The following KCNQ4 variants were observed in gnomAD, a reference collection of about 807,000 sequenced individuals.
KCNQ4 encodes the protein potassium voltage-gated channel subfamily Q member 4, also known as potassium voltage-gated channel subfamily KQT member 4.
KCNQ4 carries 31 observed loss-of-function variants against 72.6 expected under a neutral mutation model. The observed-to-expected ratio is 0.43, with a 90% CI of 0.32 to 0.58. KCNQ4 has a LOEUF of 0.58. Among genes scored for constraint, KCNQ4 ranks in the 20% least tolerant of loss-of-function variants. The pLI is 0.08. For synonymous variants in KCNQ4, 405 were observed against 403.7 expected (o/e 1.00, Z -0.04); for missense variants, 869 against 962.6 (o/e 0.90, Z 1.29).
Position 40,804,231 on chromosome 1 carries a change from C to T in KCNQ4, c.315-13034C>T, listed in dbSNP as rs527347477. 7.9e-5 allele frequency among the ~76,000 whole-genome samples: 12 copies of T among 152,360 alleles called. No individual in the cohort carries two copies. In the South Asian group the frequency reaches 2.5e-3, roughly 32 times the overall value. ...CAGGAAGGGCAGGGGCAGGTCCCAT[C>T]TTGGCCCCAGGATGAGGGAATTTTT... On this transcript the variant is annotated intron_variant, in intron 1 of 13. Transcript: ENST00000347132.
chr1:40,821,090 C>T lies in KCNQ4; in HGVS notation c.1041+830C>T, dbSNP rs192827157. Among the ~76,000 whole-genome samples, 64 of 152,320 alleles carry T rather than the reference C, an allele frequency of 4.2e-4. 1 individual carries two copies. The Middle Eastern group carries it at 0.02, about 49-fold the overall frequency. On this transcript the variant is annotated intron_variant, in intron 7 of 13. Coordinates refer to ENST00000347132, the MANE Select transcript of KCNQ4 (RefSeq NM_004700.4). ...CCCTGTCGCTGTTATCTCCAGCCAC[C>T]AGCTCAGCCTTTTCTTCTTAGCGTC...
intron 11 of KCNQ4, among the ~76,000 whole-genome samples, chr1:40,833,993 AG>A (rs556253413): frequency 7.0e-4 from 107 of 152,182 alleles, no homozygotes; most frequent in Admixed American, 1.3e-3. Context: ...TGGGTGACAG[AG>A]TGACACCTTG....
At position 40,840,271 on chromosome 1, in the gene KCNQ4, A is replaced by T. The variant is rs999175497; in HGVS notation, c.*1748A>T. ...TCCCCAGAGAGCCACCCCTCCACCC[A>T]CTCAGAGACAGCTGTGGAGAGGGCC... On this transcript the variant is annotated 3_prime_UTR_variant, in exon 14 of 14. Coordinates refer to ENST00000347132, the MANE Select transcript of KCNQ4 (RefSeq NM_004700.4). 3 of 152,128 alleles carry T rather than the reference A, an allele frequency of 2.0e-5. No homozygotes were observed. Among genetic ancestry groups the T allele is most frequent in the Non-Finnish European group, 4.4e-5 (3 of 68,086 alleles). 9.4% of individuals were successfully genotyped at this position (152,128 alleles called of 1,614,324 possible).
chr1:40,807,368 C>T (rs1473288834), intron 1 of KCNQ4, among the ~76,000 whole-genome samples: 1 of 152,174 alleles, frequency 6.6e-6, no homozygotes, highest in Non-Finnish European at 1.5e-5. Flanking sequence ...CATCAGGGCC[C>T]CATTGCAATT....
chr1:40,789,990 C>G (rs1184181108), intron 1 of KCNQ4, among the ~76,000 whole-genome samples: 2 of 152,316 alleles, frequency 1.3e-5, no homozygotes, highest in South Asian at 2.1e-4. Flanking sequence ...ATGGAGCCCC[C>G]CAGCAGGGAA....
chr1:40,798,445 G>A (rs982710599), intron 1 of KCNQ4, among the ~76,000 whole-genome samples: 1 of 152,200 alleles, frequency 6.6e-6, no homozygotes, highest in African/African-American at 2.4e-5. Context: ...TAGGCATGCT[G>A]GACCCATTGT....
intron 9 of KCNQ4, among the ~76,000 whole-genome samples, chr1:40,825,402 G>T (rs1422702491): frequency 6.6e-6 from 1 of 152,228 alleles, no homozygotes; most frequent in Non-Finnish European, 1.5e-5. Flanking sequence ...CGGAAAATCG[G>T]CAGTGTTTAG....
At chr1:40,795,394 T>C (rs1388116932) in intron 1 of KCNQ4, among the ~76,000 whole-genome samples, 1 of 151,898 alleles carries the variant, frequency 6.6e-6, no homozygotes, top group African/African-American at 2.4e-5. Context: ...TTCATGTAGC[T>C]GAGACCGCAG....
intron 8 of KCNQ4, among the ~76,000 whole-genome samples, chr1:40,823,110 C>T (rs924480542): frequency 7.2e-5 from 11 of 152,234 alleles, no homozygotes; most frequent in African/African-American, 2.7e-4. Flanking sequence ...AGCGCTTCTG[C>T]GGGTGCCTTT....
chr1:40,827,252 C>T (rs914724690), intron 9 of KCNQ4, among the ~76,000 whole-genome samples: 14 of 152,114 alleles, frequency 9.2e-5, no homozygotes, highest in African/African-American at 1.9e-4. Flanking sequence ...ACATCGTCCT[C>T]GGAGAGTTGC....
chr1:40,818,873 C>A, intron 4 of KCNQ4, 193 bp downstream of exon 4: 1 of 617,640 alleles, frequency 1.6e-6, no homozygotes, highest in Admixed American at 2.8e-5. Flanking sequence ...TAGGTAGGGG[C>A]GGGCCTAGGA....
rs752131356 is a variant in KCNQ4 at position 40,819,358 on chromosome 1, C to A, written c.720C>A (p.Thr240=). The A allele has an allele frequency of 2.5e-6, 4 of 1,613,832 alleles. No homozygotes were observed. The South Asian group carries it at 4.4e-5, about 18-fold the overall frequency. The change falls in exon 5 of 14, where the codon ACC becomes ACA. Residue 240 remains threonine, a synonymous_variant. Transcript: ENST00000347132. ...VVYAHSKELI[T]AWYIGFLVLI... ...CGCCTGCCCCGCAGGAGCTGATCAC[C>A]GCCTGGTACATCGGGTTCCTGGTGC...
In KCNQ4 at chr1:40,831,106, C is replaced by A. The variant is rs145573794; in HGVS notation, c.1315C>A (p.Arg439Ser). Reference protein sequence around the residue: ...GESSRMGIKDRIRMGSSQRRT... With the variant: ...GESSRMGIKDSIRMGSSQRRT... ...CAGCAGCCGGATGGGCATCAAAGACCGCATCCGCATGGGCAGCTCCCAGCG... is the reference window on the plus strand; with the variant it reads ...CAGCAGCCGGATGGGCATCAAAGACAGCATCCGCATGGGCAGCTCCCAGCG... Residue 439 changes from arginine to serine, a missense_variant, in exon 10 of 14, where the codon CGC (arginine) becomes AGC (serine). Coordinates refer to ENST00000347132, the MANE Select transcript of KCNQ4 (RefSeq NM_004700.4). 2 of 1,601,934 alleles carry A rather than the reference C, an allele frequency of 1.2e-6. No individual in the cohort carries two copies. The highest frequency in any genetic ancestry group is 2.3e-5 in the East Asian group (1 of 44,368).
At position 40,794,148 on chromosome 1, in the gene KCNQ4, T is replaced by G. The variant is rs1647343768; in HGVS notation, c.314+9741T>G. On this transcript the variant is annotated intron_variant, in intron 1 of 13. Coordinates refer to ENST00000347132, the MANE Select transcript of KCNQ4 (RefSeq NM_004700.4). The surrounding 1 kb of genome is among the most constrained non-coding windows in gnomAD (Gnocchi z 4.2). Reference sequence around the variant, plus strand: ...TTCATGATTTTTATCCCGAGTGAGCTCCAGGTGAAGGGAACAGCAGAGCAA... The same window carrying G: ...TTCATGATTTTTATCCCGAGTGAGCGCCAGGTGAAGGGAACAGCAGAGCAA... 6.6e-6 allele frequency among the ~76,000 whole-genome samples: 1 copy of G among 152,126 alleles called. No homozygotes were observed. Among genetic ancestry groups the G allele is most frequent in the Admixed American group, 6.5e-5 (1 of 15,276 alleles).
chr1:40,834,825 G>C (rs1648762379), intron 11 of KCNQ4, 142 bp from the exon 12 acceptor site: 3 of 1,084,830 alleles, frequency 2.8e-6, no homozygotes, highest in Non-Finnish European at 4.1e-6. Flanking sequence ...GGGAGGCTGG[G>C]AGACGCAGCA....
intron 10 of KCNQ4, 64 bp from the exon 11 acceptor site, chr1:40,832,950 G>A: frequency 2.6e-6 from 3 of 1,174,792 alleles, no homozygotes; most frequent in South Asian, 1.2e-5. Flanking sequence ...GGCATACAAG[G>A]GTCGGATGGG....
chr1:40,838,124 G>A (rs1182148498), intron 13 of KCNQ4, among the ~76,000 whole-genome samples, 187 bp from the exon 14 acceptor site: 1 of 152,036 alleles, frequency 6.6e-6, no homozygotes, highest in African/African-American at 2.4e-5. Context: ...CACCCCCCGG[G>A]TTATGCACCA....
In KCNQ4 at chr1:40,833,031, G is replaced by A. The variant is rs778538229; in HGVS notation, c.1531G>A (p.Val511Ile). ...TSAEDAPSEE[V>I]AEEKSYQCEL... is the part of the protein sequence containing the mutation. ...CTTTTCAGATGCCCCCTCAGAGGAA[G>A]TAGCAGAGGAGAAGAGCTACCAGTG... Residue 511 changes from valine to isoleucine, a missense_variant, in exon 11 of 14, where the codon GTA (valine) becomes ATA (isoleucine). Val to Ile is a conservative substitution (Grantham distance 29, BLOSUM62 3). This residue lies in a region of KCNQ4 where 480 missense variants were observed against 501.9 expected (regional missense o/e 0.96). Transcript: ENST00000347132. 56 of 1,613,342 alleles carry A rather than the reference G, an allele frequency of 3.5e-5. No individual in the cohort carries two copies. The highest frequency in any genetic ancestry group is 4.6e-5 in the Non-Finnish European group (54 of 1,179,788).
At chr1:40,802,489 G>T (rs1268437744) in intron 1 of KCNQ4, among the ~76,000 whole-genome samples, 7 of 152,026 alleles carry the variant, frequency 4.6e-5, no homozygotes, top group Non-Finnish European at 7.4e-5. Flanking sequence ...GCAAAGCCCC[G>T]CCCCTCCCAG....
Sources: gnomAD v4.1 joint callset for allele counts (sites outside exome capture counted in the v4.1 genomes callset) on GRCh38, gnomAD v4.1.1 for gene constraint, gnomAD v4.1.1 regional missense constraint, Gnocchi (gnomAD v3.1) non-coding constraint, MANE v1.5 for transcripts, NCBI Gene and HGNC (gene_info 2026-07-23, HGNC 2026-07-21) for gene names.